MEIS1: variants seen among roughly 807,000 people sequenced by gnomAD.
MEIS1 encodes the protein homeobox protein Meis1.
MEIS1 carries 5 observed loss-of-function variants against 50.8 expected under a neutral mutation model. That is an observed-to-expected ratio of 0.10 (90% confidence interval 0.05 to 0.21). The LOEUF is 0.21. Ranked by LOEUF, MEIS1 falls within the 10% of genes least tolerant of loss-of-function variation. MEIS1 has a pLI of 1.00. For synonymous variants in MEIS1, 176 were observed against 179.3 expected (o/e 0.98, Z 0.15); for missense variants, 318 against 517.3 (o/e 0.61, Z 3.74).
chr2:66,446,583 T>TG (rs897111814), intron 6 of MEIS1, among the ~76,000 whole-genome samples: 6 of 152,032 alleles, frequency 3.9e-5, no homozygotes, highest in African/African-American at 1.4e-4. Context: ...CAACAGCAGC[T>TG]CTCCGGGGGG....
At chr2:66,475,331 A>G (rs1672869367) in intron 7 of MEIS1, among the ~76,000 whole-genome samples, 1 of 146,430 alleles carries the variant, frequency 6.8e-6, no homozygotes, top group South Asian at 2.1e-4. Context: ...ACATATTTAT[A>G]TATTGTATAT....
intron 6 of MEIS1, among the ~76,000 whole-genome samples, chr2:66,444,421 TC>T (rs1672077781): frequency 6.6e-6 from 1 of 152,244 alleles, no homozygotes; most frequent in Non-Finnish European, 1.5e-5. Context: ...AAATACATTC[TC>T]AGCTTGATTT....
At chr2:66,496,885 T>C (rs1192381748) in intron 7 of MEIS1, among the ~76,000 whole-genome samples, 1 of 152,238 alleles carries the variant, frequency 6.6e-6, no homozygotes, top group African/African-American at 2.4e-5. Context: ...CCTCCCATTC[T>C]TGTGAACTTT....
chr2:66,480,667 T>A (rs1672995254), intron 7 of MEIS1, among the ~76,000 whole-genome samples: 1 of 152,164 alleles, frequency 6.6e-6, no homozygotes, highest in East Asian at 1.9e-4. Flanking sequence ...TTGAATGAAA[T>A]TTTAAAACCA....
intron 8 of MEIS1, among the ~76,000 whole-genome samples, chr2:66,539,512 C>T (rs1035210218): frequency 1.3e-5 from 2 of 152,138 alleles, no homozygotes; most frequent in African/African-American, 4.8e-5. Context: ...CACCAAGTTT[C>T]AAATTCCAGC....
intron 9 of MEIS1, among the ~76,000 whole-genome samples, chr2:66,562,681 A>G (rs1675248159): frequency 6.6e-6 from 1 of 152,182 alleles, no homozygotes; most frequent in African/African-American, 2.4e-5. Flanking sequence ...ACATGAAAAA[A>G]AGCTATAGAG....
chr2:66,494,864 G>A (rs1673359628), intron 7 of MEIS1, among the ~76,000 whole-genome samples: 2 of 152,144 alleles, frequency 1.3e-5, no homozygotes, highest in Non-Finnish European at 2.9e-5. Flanking sequence ...TGAGGACCCA[G>A]GTTCTGACCT....
chr2:66,437,152 T>G lies in MEIS1; in HGVS notation c.13-585T>G, dbSNP rs1454237252. On this transcript the variant is annotated intron_variant, in intron 1 of 12. Coordinates refer to ENST00000272369, the MANE Select transcript of MEIS1 (RefSeq NM_002398.3). ...AGGGGTCAGTTAGTTTTGTATAATT[T>G]AGCAGAGTTTGTCTTGGAAAGCAAA... Among the ~76,000 whole-genome samples the G allele has an allele frequency of 2.1e-4, 32 of 152,198 alleles. 1 individual carries two copies. Among genetic ancestry groups the G allele is most frequent in the Admixed American group, 2.1e-3 (32 of 15,284 alleles).
chr2:66,444,979 A>T (rs1055640819), intron 6 of MEIS1, among the ~76,000 whole-genome samples: 9 of 152,188 alleles, frequency 5.9e-5, no homozygotes, highest in African/African-American at 2.2e-4. Context: ...AGTTATGGGA[A>T]TTTTTTGGAG....
At chr2:66,568,623 T>C in intron 10 of MEIS1, 44 bp from the exon 11 acceptor site, 2 of 1,443,548 alleles carry the variant, frequency 1.4e-6, no homozygotes, top group Non-Finnish European at 2.0e-6. Context: ...TTTCTTTTGC[T>C]CTCAGAGACT....
At chr2:66,517,154 G>T (rs908744524) in intron 8 of MEIS1, among the ~76,000 whole-genome samples, 5 of 152,144 alleles carry the variant, frequency 3.3e-5, no homozygotes, top group Non-Finnish European at 7.3e-5. Context: ...TATCCTGAAA[G>T]ATCTAGGGGG....
intron 8 of MEIS1, among the ~76,000 whole-genome samples, chr2:66,529,396 G>A (rs937374712): frequency 6.6e-6 from 1 of 152,122 alleles, no homozygotes; most frequent in Non-Finnish European, 1.5e-5. Flanking sequence ...ACAGGGGTTA[G>A]GATATCATCA....
intron 12 of MEIS1, 120 bp from the exon 13 acceptor site, chr2:66,571,126 A>C: frequency 1.0e-6 from 1 of 999,154 alleles, no homozygotes; most frequent in Non-Finnish European, 1.4e-6. Flanking sequence ...AATGCTTTAC[A>C]AAACCATGTT....
At chr2:66,443,816 G>A (rs1436056467) in intron 6 of MEIS1, 1 of 152,688 alleles carries the variant, frequency 6.5e-6, no homozygotes, top group Non-Finnish European at 1.5e-5. Flanking sequence ...GGTAAGGAGT[G>A]TGGGGGACCT....
chr2:66,484,925 G>A (rs1373127711), intron 7 of MEIS1, among the ~76,000 whole-genome samples: 1 of 152,070 alleles, frequency 6.6e-6, no homozygotes, highest in Non-Finnish European at 1.5e-5. Flanking sequence ...CAGTGAAAAT[G>A]TCCAAAGATC....
intron 9 of MEIS1, among the ~76,000 whole-genome samples, chr2:66,556,448 T>A (rs1046064704): frequency 3.3e-5 from 5 of 151,628 alleles, no homozygotes; most frequent in African/African-American, 4.8e-5. Context: ...CAAAAATAAA[T>A]GTCCTGCCTT....
chr2:66,473,397 A>AAAAAAAAAAAAAAATATATATAT, intron 7 of MEIS1, among the ~76,000 whole-genome samples: 1 of 107,608 alleles, frequency 9.3e-6, no homozygotes. Flanking sequence ...AAAAAAAAAA[A>AAAAAAAAAAAAAAATATATATAT]ATATATATAT....
intron 8 of MEIS1, among the ~76,000 whole-genome samples, chr2:66,540,462 A>G (rs1246104840): frequency 6.6e-6 from 1 of 152,048 alleles, no homozygotes; most frequent in East Asian, 1.9e-4. Flanking sequence ...GGCGCCTGAC[A>G]TCACGCCCAG....
At chr2:66,478,458 G>A (rs1395385410) in intron 7 of MEIS1, among the ~76,000 whole-genome samples, 1 of 152,126 alleles carries the variant, frequency 6.6e-6, no homozygotes, top group Non-Finnish European at 1.5e-5. Flanking sequence ...CTTTGCAGCT[G>A]GAACAGATTC....
Sources: allele counts gnomAD v4.1 joint callset (sites outside exome capture counted in the v4.1 genomes callset), GRCh38; gene constraint gnomAD v4.1.1; transcripts MANE v1.5; gene names NCBI Gene and HGNC (gene_info 2026-07-23, HGNC 2026-07-21).